Variants in ALCAM observed in about 807,000 individuals in gnomAD.
ALCAM encodes the protein CD166 antigen.
ALCAM carries 30 observed loss-of-function variants against 70.9 expected under a neutral mutation model. The observed-to-expected ratio is 0.42, with a 90% CI of 0.32 to 0.57. The LOEUF (loss-of-function observed/expected upper bound fraction) is 0.57. Ranked by LOEUF, ALCAM falls within the 20% of genes least tolerant of loss-of-function variation. The probability of loss-of-function intolerance (pLI) is 0.11; values close to 1 mark genes in which losing one functional copy is unlikely to be tolerated. For missense variants in ALCAM, 591 were observed against 695.1 expected, an observed-to-expected ratio of 0.85 and a Z score of 1.68; for synonymous variants, 249 against 242.5, an observed-to-expected ratio of 1.03 and a Z score of -0.25.
chr3:105,372,906 G>C (rs1935273552), intron 1 of ALCAM, among the ~76,000 whole-genome samples: 1 of 152,062 alleles, frequency 6.6e-6, no homozygotes, highest in Non-Finnish European at 1.5e-5. Flanking sequence ...GACCCTTGAT[G>C]TTCATTCACA....
At chr3:105,520,721 A>G (rs1939514767) in intron 2 of ALCAM, among the ~76,000 whole-genome samples, 3 of 152,328 alleles carry the variant, frequency 2.0e-5, no homozygotes, top group South Asian at 4.1e-4. Flanking sequence ...CTTCTCAGGT[A>G]TGAAGGTACA....
chr3:105,529,113 C>G (rs1346420919), intron 3 of ALCAM, among the ~76,000 whole-genome samples: 1 of 152,056 alleles, frequency 6.6e-6, no homozygotes, highest in Non-Finnish European at 1.5e-5. Flanking sequence ...TAGTGTGGCC[C>G]TATTATAATA....
At chr3:105,408,329 G>A (rs1343003159) in intron 1 of ALCAM, among the ~76,000 whole-genome samples, 2 of 152,082 alleles carry the variant, frequency 1.3e-5, no homozygotes, top group African/African-American at 2.4e-5. Context: ...CACCAAAACA[G>A]CATGATACGG....
chr3:105,514,177 A>G (rs897327518), intron 1 of ALCAM, among the ~76,000 whole-genome samples: 4 of 152,098 alleles, frequency 2.6e-5, no homozygotes, highest in Non-Finnish European at 4.4e-5. Context: ...TCTTAAGGAA[A>G]AGGCCTCTGT....
intron 1 of ALCAM, among the ~76,000 whole-genome samples, chr3:105,396,807 G>A (rs1935962986): frequency 6.6e-6 from 1 of 151,902 alleles, no homozygotes; most frequent in African/African-American, 2.4e-5. Flanking sequence ...CATAGCCTCT[G>A]GATTCATTTC....
intron 2 of ALCAM, among the ~76,000 whole-genome samples, chr3:105,523,504 A>G (rs1450665786): frequency 6.6e-6 from 1 of 152,214 alleles, no homozygotes; most frequent in East Asian, 1.9e-4. Flanking sequence ...AAGGTCTTGT[A>G]GGGTACATAA....
Position 105,550,038 on chromosome 3 carries a change from C to A in ALCAM, c.1375-89C>A. On this transcript the variant is annotated intron_variant, in intron 11 of 15. Coordinates refer to ENST00000306107, the MANE Select transcript of ALCAM (RefSeq NM_001627.4). ...CACCAGAATGCTCTATAGAGCACCA[C>A]GCCTATCCTATTACAGTCATCATTA... 3.9e-6 allele frequency: 5 copies of A among 1,270,878 alleles called. No individual in the cohort carries two copies. The Admixed American group carries it at 8.6e-5, about 22-fold the overall frequency. 78.7% of individuals were successfully genotyped at this position (1,270,878 alleles called of 1,614,324 possible).
intron 1 of ALCAM, among the ~76,000 whole-genome samples, chr3:105,481,126 G>A (rs745904188): frequency 6.6e-6 from 1 of 151,896 alleles, no homozygotes; most frequent in African/African-American, 2.4e-5. Flanking sequence ...GCAGCCTTAG[G>A]GTGAAAAGTG....
At chr3:105,539,631 T>C (rs918110333) in intron 6 of ALCAM, among the ~76,000 whole-genome samples, 2 of 152,106 alleles carry the variant, frequency 1.3e-5, no homozygotes, top group African/African-American at 2.4e-5. Flanking sequence ...ATAAGATTCA[T>C]ATAATATATA....
At chr3:105,442,553 G>A (rs568788421) in intron 1 of ALCAM, among the ~76,000 whole-genome samples, 16 of 152,060 alleles carry the variant, frequency 1.1e-4, no homozygotes, top group Non-Finnish European at 1.5e-4. Context: ...AGGCTGAGGC[G>A]GGTGGATCAC....
intron 1 of ALCAM, among the ~76,000 whole-genome samples, chr3:105,445,981 A>T (rs1937284129): frequency 6.6e-6 from 1 of 152,164 alleles, no homozygotes; most frequent in South Asian, 2.1e-4. Flanking sequence ...AGCAAAATGG[A>T]ATTACATCTA....
At chr3:105,472,665 T>A (rs1298631562) in intron 1 of ALCAM, among the ~76,000 whole-genome samples, 4 of 151,486 alleles carry the variant, frequency 2.6e-5, no homozygotes, top group Admixed American at 2.0e-4. Context: ...ACTTTCTTGT[T>A]CCAGGCAAGG....
chr3:105,368,264 A>AGAGAGAG (rs1559767087), intron 1 of ALCAM, among the ~76,000 whole-genome samples: 86 of 142,060 alleles, frequency 6.1e-4, no homozygotes, highest in Middle Eastern at 3.9e-3. Context: ...AGAGAGAGAG[A>AGAGAGAG]AAAGGCAAAA....
In ALCAM at chr3:105,459,524, A is replaced by C. The variant is rs1937575810; in HGVS notation, c.74-60543A>C. Among the ~76,000 whole-genome samples, 3 of 151,978 alleles carry C rather than the reference A, an allele frequency of 2.0e-5. No homozygotes were observed. In the South Asian group the frequency reaches 6.3e-4, roughly 32 times the overall value. On this transcript the variant is annotated intron_variant, in intron 1 of 15. Transcript: ENST00000306107. ...ACCTGCCTGCTTTCGGTGGGCAATA[A>C]ATTGATGGCACTACCATGGTCCAAG...
intron 1 of ALCAM, among the ~76,000 whole-genome samples, chr3:105,485,223 A>G (rs1938392309): frequency 6.6e-6 from 1 of 152,056 alleles, no homozygotes. Context: ...GCTGGCATCA[A>G]CACCCACATA....
chr3:105,392,278 C>A (rs910342852), intron 1 of ALCAM, among the ~76,000 whole-genome samples: 2 of 151,802 alleles, frequency 1.3e-5, no homozygotes, highest in East Asian at 1.9e-4. Context: ...AGGGATTCCA[C>A]TTCTTCCTGG....
intron 1 of ALCAM, among the ~76,000 whole-genome samples, chr3:105,476,360 T>G (rs1264541786): frequency 6.6e-6 from 1 of 152,092 alleles, no homozygotes; most frequent in Non-Finnish European, 1.5e-5. Context: ...GTGTTAATAA[T>G]GCTCAAATAT....
At chr3:105,457,543 A>G (rs758372393) in intron 1 of ALCAM, among the ~76,000 whole-genome samples, 2 of 152,008 alleles carry the variant, frequency 1.3e-5, no homozygotes, top group Non-Finnish European at 2.9e-5. Flanking sequence ...GTACCCCTGA[A>G]CCTAAAAGTT....
At chr3:105,566,269 A>T (rs965025064) in intron 14 of ALCAM, among the ~76,000 whole-genome samples, 4 of 152,246 alleles carry the variant, frequency 2.6e-5, no homozygotes, top group African/African-American at 9.6e-5. Context: ...AAATGTTGGT[A>T]CAATTGTCTT....
Sources: gnomAD v4.1 joint callset for allele counts (sites outside exome capture counted in the v4.1 genomes callset) on GRCh38, gnomAD v4.1.1 for gene constraint, MANE v1.5 for transcripts, NCBI Gene and HGNC (gene_info 2026-07-23, HGNC 2026-07-21) for gene names.